Variants in TENM3 observed in about 807,000 individuals in gnomAD.
The protein encoded by TENM3 is teneurin-3.
TENM3 carries 63 observed loss-of-function variants against 255.1 expected under a neutral mutation model. The observed-to-expected ratio is 0.25, with a 90% CI of 0.20 to 0.30. The LOEUF (loss-of-function observed/expected upper bound fraction) is 0.30. Among genes scored for constraint, TENM3 ranks in the 10% least tolerant of loss-of-function variants. The pLI is 1.00. For synonymous variants in TENM3, 1,306 were observed against 1,322.3 expected (o/e 0.99, Z 0.27); for missense variants, 2,929 against 3,461.1 (o/e 0.85, Z 3.86).
chr4:182,171,234 TA>T (rs1561164359), intron 1 of TENM3, among the ~76,000 whole-genome samples: 1 of 152,170 alleles, frequency 6.6e-6, no homozygotes, highest in Non-Finnish European at 1.5e-5. Context: ...TTTAATAAAT[TA>T]AAAAGCATAA....
In TENM3 at chr4:182,755,246, A is replaced by G. The variant is rs1345519781; in HGVS notation, c.4879A>G (p.Thr1627Ala). The change falls in exon 22 of 28, where the codon ACA becomes GCA. Residue 1627 changes from threonine to alanine, a missense_variant. Physicochemically the swap from Thr to Ala is moderately conservative, Grantham distance 58. Coordinates refer to ENST00000511685, the MANE Select transcript of TENM3 (RefSeq NM_001080477.4). ...LATKSDETGW[T>A]TFFDYDSEGR... Reference sequence around the variant, plus strand: ...CACTAAAAGTGATGAAACTGGATGGACAACGTTTTTTGAGTAAGTATATGA... The same window carrying G: ...CACTAAAAGTGATGAAACTGGATGGGCAACGTTTTTTGAGTAAGTATATGA... 6.3e-7 allele frequency: 1 copy of G among 1,597,790 alleles called. No homozygotes were observed. The highest frequency in any genetic ancestry group is 1.3e-5 in the African/African-American group (1 of 74,426).
the TENM3 span, among the ~76,000 whole-genome samples, chr4:181,807,498 C>T: frequency 6.6e-6 from 1 of 152,112 alleles, no homozygotes; most frequent in African/African-American, 2.4e-5. Context: ...GGATTATAGG[C>T]ATGCACCACC....
intron 6 of TENM3, among the ~76,000 whole-genome samples, chr4:182,666,684 T>G (rs1487195147): frequency 2.0e-5 from 3 of 151,914 alleles, no homozygotes; most frequent in African/African-American, 7.3e-5. Flanking sequence ...ATCGCTTGAG[T>G]CCAAGAGTTT....
intron 3 of TENM3, among the ~76,000 whole-genome samples, chr4:182,596,070 A>G (rs1747187202): frequency 6.6e-6 from 1 of 152,202 alleles, no homozygotes; most frequent in African/African-American, 2.4e-5. Flanking sequence ...AAATGTCATC[A>G]ATCAATCAGC....
intron 3 of TENM3, among the ~76,000 whole-genome samples, chr4:182,403,793 C>G (rs894256822): frequency 1.3e-4 from 20 of 152,150 alleles, no homozygotes; most frequent in African/African-American, 4.1e-4. Flanking sequence ...ATGATCATGG[C>G]TCACTGCAGC....
chr4:182,754,605 G>A lies in TENM3; in HGVS notation c.4238G>A (p.Ser1413Asn), dbSNP rs375705805. 2 of 1,613,904 alleles carry A rather than the reference G, an allele frequency of 1.2e-6. No individual in the cohort carries two copies. Among genetic ancestry groups the A allele is most frequent in the South Asian group, 1.1e-5 (1 of 91,080 alleles). ...GCCACTGCCATTGCTGTGTCCTACA[G>A]TGGGGTCCTGTACATTACTGAAACT... ...ESATAIAVSY[S>N]GVLYITETDE... is the part of the protein sequence containing the mutation. Residue 1413 changes from serine (S) to asparagine (N), a missense_variant, in exon 22 of 28, where the codon AGT becomes AAT. Physicochemically the swap from Ser to Asn is conservative, Grantham distance 46. Transcript: ENST00000511685. This position sits in a 1 kb window ranked among gnomAD's most constrained non-coding sequence, Gnocchi z 5.1.
At chr4:182,508,807 T>G (rs75504321) in intron 3 of TENM3, among the ~76,000 whole-genome samples, 146 of 152,354 alleles carry the variant, frequency 9.6e-4, no homozygotes, top group African/African-American at 3.4e-3. Flanking sequence ...TTCCTACCTG[T>G]GTTCTTGTAT....
the TENM3 span, among the ~76,000 whole-genome samples, chr4:181,452,099 A>T: frequency 3.3e-3 from 501 of 152,308 alleles, 4 homozygotes; most frequent in African/African-American, 0.011. Flanking sequence ...ATTATGAAGT[A>T]TCCCTTGAAT....
At chr4:181,697,635 G>T in the TENM3 span, among the ~76,000 whole-genome samples, 1 of 151,932 alleles carries the variant, frequency 6.6e-6, no homozygotes, top group Non-Finnish European at 1.5e-5. Flanking sequence ...CTCGTGATCC[G>T]CCTGCCTTGG....
chr4:181,866,751 C>A, the TENM3 span, among the ~76,000 whole-genome samples: 6 of 152,282 alleles, frequency 3.9e-5, no homozygotes, highest in Non-Finnish European at 8.8e-5. Flanking sequence ...AATTTTAAAG[C>A]ATTCTGCGTT....
chr4:181,582,669 C>CAAAAAAAAAAAAAAAAAAAAA, the TENM3 span, among the ~76,000 whole-genome samples: 2 of 124,752 alleles, frequency 1.6e-5, no homozygotes, highest in Admixed American at 8.4e-5. Context: ...CAAAACAAAT[C>CAAAAAAAAAAAAAAAAAAAAA]AAAAAAAAAA....
intron 3 of TENM3, among the ~76,000 whole-genome samples, chr4:182,426,007 C>CAAAAAAAAAAAA (rs55836889): frequency 1.8e-4 from 16 of 90,726 alleles, no homozygotes; most frequent in South Asian, 3.7e-4. Context: ...GAGTCCATGT[C>CAAAAAAAAAAAA]AAAAAAAAAA....
At chr4:182,669,462 G>T (rs952782972) in intron 6 of TENM3, among the ~76,000 whole-genome samples, 1 of 151,904 alleles carries the variant, frequency 6.6e-6, no homozygotes, top group African/African-American at 2.4e-5. Flanking sequence ...AGTAGAGACG[G>T]GGTTTCACTG....
At chr4:182,786,317 G>A (rs1183219556) in intron 24 of TENM3, among the ~76,000 whole-genome samples, 1 of 152,138 alleles carries the variant, frequency 6.6e-6, no homozygotes, top group Admixed American at 6.5e-5. Flanking sequence ...AGCACTTTGG[G>A]AAGCGGAGGC....
the TENM3 span, among the ~76,000 whole-genome samples, chr4:181,876,220 T>C: frequency 3.9e-5 from 6 of 152,246 alleles, no homozygotes; most frequent in African/African-American, 1.2e-4. Flanking sequence ...GTAATAAATG[T>C]TGAACTTTCA....
the TENM3 span, among the ~76,000 whole-genome samples, chr4:181,454,775 C>G: frequency 7.3e-6 from 1 of 136,406 alleles, no homozygotes; most frequent in Non-Finnish European, 1.6e-5. Context: ...AACCAGTAAC[C>G]TACTGTACAG....
intron 3 of TENM3, among the ~76,000 whole-genome samples, chr4:182,426,105 A>C (rs6419933): frequency 0.65 from 98,897 of 151,740 alleles, 32,721 homozygotes; most frequent in East Asian, 0.92. Context: ...AACGTTCTAA[A>C]CATAACTTGT....
intron 3 of TENM3, among the ~76,000 whole-genome samples, chr4:182,374,168 A>C (rs1219782128): frequency 6.6e-6 from 1 of 152,164 alleles, no homozygotes; most frequent in Admixed American, 6.5e-5. Flanking sequence ...TGGGCAGTCC[A>C]TCATTCAGAT....
At chr4:182,586,164 G>A (rs1746005544) in intron 3 of TENM3, among the ~76,000 whole-genome samples, 1 of 152,136 alleles carries the variant, frequency 6.6e-6, no homozygotes, top group East Asian at 1.9e-4. Flanking sequence ...TGGTGAGGTG[G>A]GAGGATTCCT....
Sources: allele counts gnomAD v4.1 joint callset (sites outside exome capture counted in the v4.1 genomes callset), GRCh38; gene constraint gnomAD v4.1.1; non-coding constraint Gnocchi (gnomAD v3.1); transcripts MANE v1.5; gene names NCBI Gene and HGNC (gene_info 2026-07-23, HGNC 2026-07-21).